HECW2: variants seen among roughly 807,000 people sequenced by gnomAD.
HECW2 encodes the protein E3 ubiquitin-protein ligase HECW2.
HECW2 carries 61 observed loss-of-function variants against 175.2 expected under a neutral mutation model. That is an observed-to-expected ratio of 0.35 (90% CI 0.28 to 0.43). The LOEUF (loss-of-function observed/expected upper bound fraction) is 0.43. Among genes scored for constraint, HECW2 ranks in the 20% least tolerant of loss-of-function variants. The pLI, the probability that HECW2 is intolerant of heterozygous loss-of-function variation, is 1.00. For synonymous variants in HECW2, 671 were observed against 731.0 expected, an observed-to-expected ratio of 0.92 and a Z score of 1.32; for missense variants, 1,524 against 2,000.5, an observed-to-expected ratio of 0.76 and a Z score of 4.54.
chr2:196,433,348 C>G lies in HECW2; in HGVS notation c.76G>C (p.Glu26Gln). 1 of 1,614,152 alleles carries G rather than the reference C, an allele frequency of 6.2e-7. No homozygotes were observed. Among genetic ancestry groups the G allele is most frequent in the East Asian group, 2.2e-5 (1 of 44,882 alleles). ...NPQMRYTLSP[E>Q]NLQSLAAQSS... ...TGGGCGGCAAGGCTCTGGAGGTTCT[C>G]TGGGCTCAATGTGTACCGCATCTGG... Residue 26 changes from glutamate (E) to glutamine (Q), a missense_variant, in exon 2 of 29, where the codon GAG becomes CAG. This residue lies in a region of HECW2 where 135 missense variants were observed against 214.6 expected (regional missense o/e 0.63). Transcript: ENST00000644978.
chr2:196,403,979 T>C (rs1694889636), intron 2 of HECW2, among the ~76,000 whole-genome samples: 2 of 152,204 alleles, frequency 1.3e-5, no homozygotes, highest in South Asian at 4.1e-4. Flanking sequence ...CTGTGAGTGT[T>C]TTAGGCCTCA....
chr2:196,238,779 G>C (rs1373094613), intron 21 of HECW2: 1 of 152,182 alleles, frequency 6.6e-6, no homozygotes, highest in Admixed American at 6.5e-5. Context: ...ATCAAATACA[G>C]AGGCATCAAG....
At chr2:196,417,869 G>A (rs1051886807) in intron 2 of HECW2, among the ~76,000 whole-genome samples, 12 of 152,090 alleles carry the variant, frequency 7.9e-5, no homozygotes, top group Non-Finnish European at 1.5e-4. Context: ...TTTTCATGGT[G>A]AATGCTTTAC....
chr2:196,354,049 T>A (rs1406779406), intron 2 of HECW2, among the ~76,000 whole-genome samples: 1 of 152,150 alleles, frequency 6.6e-6, no homozygotes, highest in African/African-American at 2.4e-5. Context: ...CAAAAGGCTG[T>A]TAATACTGTG....
chr2:196,315,150 G>GTA (rs1491506834), intron 10 of HECW2, among the ~76,000 whole-genome samples: 2 of 304 alleles, frequency 6.6e-3, no homozygotes, highest in Non-Finnish European at 0.015. Flanking sequence ...GAGTGTATGA[G>GTA]TGTGTGTGTG....
chr2:196,408,187 C>T (rs1695014738), intron 2 of HECW2, among the ~76,000 whole-genome samples: 1 of 152,202 alleles, frequency 6.6e-6, no homozygotes, highest in East Asian at 1.9e-4. Flanking sequence ...TTTATTCAAT[C>T]TGAAGTCACA....
chr2:196,342,572 A>G (rs1289507426), intron 3 of HECW2, among the ~76,000 whole-genome samples: 1 of 152,164 alleles, frequency 6.6e-6, no homozygotes, highest in Non-Finnish European at 1.5e-5. Context: ...TATAAATAAC[A>G]CCATCACCCA....
At position 196,279,406 on chromosome 2, in the gene HECW2, C is replaced by G. The variant is rs545711781; in HGVS notation, c.3001-744G>C. Among the ~76,000 whole-genome samples the G allele has an allele frequency of 1.9e-4, 29 of 152,272 alleles. No homozygotes were observed. The South Asian group carries it at 4.6e-3, about 24-fold the overall frequency. ...CTTCCTTCTCCTATACAGTAAGCCA[C>G]AAAATCCTTCTCATTTTCTCACTGT... On this transcript the variant is annotated intron_variant, in intron 14 of 28. Coordinates refer to ENST00000644978, the MANE Select transcript of HECW2 (RefSeq NM_001348768.2).
chr2:196,404,339 G>C (rs1437988237), intron 2 of HECW2, among the ~76,000 whole-genome samples: 1 of 152,136 alleles, frequency 6.6e-6, no homozygotes, highest in Non-Finnish European at 1.5e-5. Flanking sequence ...TGTCTGCTAG[G>C]ATTCTGTAAT....
At chr2:196,439,040 T>C (rs2125285461) in intron 1 of HECW2, among the ~76,000 whole-genome samples, 1 of 152,294 alleles carries the variant, frequency 6.6e-6, no homozygotes, top group South Asian at 2.1e-4. Context: ...CGGTTATTTG[T>C]AAGTCAGTAC....
intron 13 of HECW2, among the ~76,000 whole-genome samples, chr2:196,304,493 A>G (rs1233861900): frequency 6.6e-6 from 1 of 152,226 alleles, no homozygotes; most frequent in East Asian, 1.9e-4. Context: ...TCTGTTAACT[A>G]TATTCTACTC....
intron 26 of HECW2, among the ~76,000 whole-genome samples, chr2:196,218,907 A>G (rs548062769): frequency 4.3e-4 from 65 of 152,348 alleles, no homozygotes; most frequent in African/African-American, 1.5e-3. Context: ...GAAGCAATGG[A>G]AACTGCAATT....
intron 19 of HECW2, among the ~76,000 whole-genome samples, chr2:196,244,509 C>G (rs2105890705): frequency 6.6e-6 from 1 of 152,334 alleles, no homozygotes; most frequent in South Asian, 2.1e-4. Flanking sequence ...TTAGACGAGG[C>G]ATGAGCTCAC....
At chr2:196,317,187 C>T (rs1185308281) in intron 10 of HECW2, 87 bp downstream of exon 10, 9 of 1,002,192 alleles carry the variant, frequency 9.0e-6, no homozygotes, top group Non-Finnish European at 1.1e-5. Context: ...GACCATGTAT[C>T]CATCTTTTGA....
chr2:196,433,510 G>C (rs1191167118), intron 1 of HECW2, 52 bp from the exon 2 acceptor site: 11 of 1,321,912 alleles, frequency 8.3e-6, no homozygotes, highest in South Asian at 4.4e-5. Context: ...CGAAGAATCA[G>C]ATTTAAGCTT....
chr2:196,201,211 A>G lies in HECW2; in HGVS notation c.*66T>C. 9.8e-7 allele frequency: 1 copy of G among 1,018,116 alleles called. No homozygotes were observed. The highest frequency in any genetic ancestry group is 1.6e-5 in the African/African-American group (1 of 63,314). 63.1% of individuals were successfully genotyped at this position (1,018,116 alleles called of 1,614,324 possible). Reference sequence around the variant, plus strand: ...CATCCTCTTGAAACTTCCAATGTTCAATCATTCTTCTAGAAGGCAGCTTCT... The same window carrying G: ...CATCCTCTTGAAACTTCCAATGTTCGATCATTCTTCTAGAAGGCAGCTTCT... On this transcript the variant is annotated 3_prime_UTR_variant, in exon 29 of 29. Transcript: ENST00000644978.
At chr2:196,247,000 C>T (rs1347466282) in intron 19 of HECW2, among the ~76,000 whole-genome samples, 5 of 152,144 alleles carry the variant, frequency 3.3e-5, no homozygotes, top group African/African-American at 9.7e-5. Context: ...CGGTGGCTCA[C>T]GCCTGTAATC....
chr2:196,557,582 A>C (rs1445375080), intron 1 of HECW2, among the ~76,000 whole-genome samples: 1 of 152,156 alleles, frequency 6.6e-6, no homozygotes, highest in Non-Finnish European at 1.5e-5. Context: ...AAAAAAATTC[A>C]CTGGAGAGCT....
At chr2:196,506,434 T>A (rs1033650643) in intron 1 of HECW2, among the ~76,000 whole-genome samples, 7 of 152,166 alleles carry the variant, frequency 4.6e-5, no homozygotes, top group Non-Finnish European at 8.8e-5. Flanking sequence ...GATATATTTT[T>A]CTTCTGGTCA....
Sources: allele counts gnomAD v4.1 joint callset (sites outside exome capture counted in the v4.1 genomes callset), GRCh38; gene constraint gnomAD v4.1.1; regional missense constraint gnomAD v4.1.1; transcripts MANE v1.5; gene names NCBI Gene and HGNC (gene_info 2026-07-23, HGNC 2026-07-21).